Variants in ZNF641 observed in about 807,000 individuals in gnomAD.
ZNF641 encodes the protein zinc finger protein 641.
In ZNF641, 26 loss-of-function variants were observed where a neutral mutation model predicts 46.2. The ratio of observed to expected loss-of-function variants is 0.56; its 90% CI spans 0.41 to 0.78. The LOEUF (loss-of-function observed/expected upper bound fraction) is 0.78, where lower values mean the gene tolerates loss of function less well. Among genes scored for constraint, ZNF641 ranks in the 30% least tolerant of loss-of-function variants. The probability of loss-of-function intolerance (pLI) is 0.00; values close to 1 mark genes in which losing one functional copy is unlikely to be tolerated. For missense variants in ZNF641, 469 were observed against 517.8 expected (o/e 0.91, Z 0.91); for synonymous variants, 163 against 187.9 (o/e 0.87, Z 1.09).
At position 48,343,076 on chromosome 12, in the gene ZNF641, C is replaced by A; in HGVS notation, c.1172G>T (p.Cys391Phe). The change falls in exon 6 of 6, where the codon TGT becomes TTT. Residue 391 changes from cysteine to phenylalanine, a missense_variant. Physicochemically the swap from Cys to Phe is radical, Grantham distance 205. Coordinates refer to ENST00000547026, the MANE Select transcript of ZNF641 (RefSeq NM_001172681.2). ...TGEKPFQCPR[C>F]EKSFGRKHHL... The stretch of plus-strand genomic sequence containing the variant: ...ATGTTTTCGGCCAAAGCTCTTCTCA[C>A]AGCGAGGGCACTGGAAGGGCTTCTC... 1.2e-6 allele frequency: 2 copies of A among 1,614,248 alleles called. No individual in the cohort carries two copies. Among genetic ancestry groups the A allele is most frequent in the Non-Finnish European group, 1.7e-6 (2 of 1,180,038 alleles).
At chr12:48,345,178 C>A (rs896236201) in intron 4 of ZNF641, among the ~76,000 whole-genome samples, 167 bp downstream of exon 4, 2 of 151,310 alleles carry the variant, frequency 1.3e-5, no homozygotes, top group Non-Finnish European at 2.9e-5. Flanking sequence ...ATGATATTTA[C>A]TCTCATTCTC....
chr12:48,343,018 T>A lies in ZNF641; in HGVS notation c.1230A>T (p.Gly410=), dbSNP rs772396477. The stretch of plus-strand genomic sequence containing the variant: ...TGTCCCAGCTGTTCCGGGGACTTTG[T>A]CCCTGGTGGGTGAGCAGGTGCCTGT... ...HLDRHLLTHQ[G]QSPRNSWDRG... The change falls in exon 6 of 6, where the codon GGA becomes GGT. Residue 410 remains glycine, a synonymous_variant. Coordinates refer to ENST00000547026, the MANE Select transcript of ZNF641 (RefSeq NM_001172681.2). 35 of 1,614,056 alleles carry A rather than the reference T, an allele frequency of 2.2e-5. No homozygotes were observed. Among genetic ancestry groups the A allele is most frequent in the Middle Eastern group, 3.3e-4 (2 of 6,084 alleles).
chr12:48,349,925 G>A, intron 1 of ZNF641: 2 of 1,186,410 alleles, frequency 1.7e-6, no homozygotes, highest in Non-Finnish European at 2.5e-6. Context: ...AGGTAGCAGA[G>A]TCTCTTAATG....
In ZNF641 at chr12:48,343,216, G is replaced by A; in HGVS notation, c.1032C>T (p.Gly344=). The change falls in exon 6 of 6, where the codon GGC becomes GGT. Residue 344 remains glycine (G), a synonymous_variant. Transcript: ENST00000547026. ...CKGQEVGESP[G]TRKRQRAPPV... ...GTGGGGCACGCTGCCGTTTCCTTGT[G>A]CCAGGGCTCTCTCCAACCTCTTGGC... is the stretch of plus-strand genomic sequence containing the variant. The A allele has an allele frequency of 6.2e-7, 1 of 1,614,226 alleles. No homozygotes were observed. Among genetic ancestry groups the A allele is most frequent in the South Asian group, 1.1e-5 (1 of 91,088 alleles).
chr12:48,340,521 AC>A lies in ZNF641; in HGVS notation c.*2451del, dbSNP rs3215010. 301,777 of 985,102 alleles carry A rather than the reference AC, an allele frequency of 0.31. 47,069 individuals are homozygous for A. Among genetic ancestry groups the A allele is most frequent in the Non-Finnish European group, 0.31 (261,221 of 829,822 alleles). 61.0% of individuals were successfully genotyped at this position (985,102 alleles called of 1,614,324 possible). ...ATTAAAGACCAGACTCCATCCTTAT[AC>A]CACTGATGCCTCTGGTACCTTAATC... is the stretch of plus-strand genomic sequence containing the variant. On this transcript the variant is annotated 3_prime_UTR_variant, in exon 6 of 6. Transcript: ENST00000547026.
intron 2 of ZNF641, 37 bp downstream of exon 2, chr12:48,347,870 A>G (rs1254988862): frequency 1.3e-6 from 2 of 1,592,062 alleles, no homozygotes; most frequent in South Asian, 2.2e-5. Flanking sequence ...TTAGGAGACT[A>G]TGCACTGTGC....
At position 48,340,387 on chromosome 12, in the gene ZNF641, A is replaced by G; in HGVS notation, c.*2586T>C. 1 of 985,464 alleles carries G rather than the reference A, an allele frequency of 1.0e-6. No individual in the cohort carries two copies. The highest frequency in any genetic ancestry group is 1.2e-6 in the Non-Finnish European group (1 of 829,940). 61.0% of individuals were successfully genotyped at this position (985,464 alleles called of 1,614,324 possible). A position where few individuals can be genotyped will look rare whatever the true frequency, so the allele number is the denominator to read the frequency against. ...GGGGCGTGATCTAATAGTAAGGAAT[A>G]TCACTTCCCACAAGTCCTTCAAACA... On this transcript the variant is annotated 3_prime_UTR_variant, in exon 6 of 6. Transcript: ENST00000547026.
Position 48,344,336 on chromosome 12 carries a change from A to T in ZNF641, c.520+263T>A, listed in dbSNP as rs1346913788. The T allele has an allele frequency of 1.1e-5, 3 of 269,828 alleles. No individual in the cohort carries two copies. The Admixed American group carries it at 1.4e-4, about 13-fold the overall frequency. The allele number at this position is 269,828 out of a possible 1,614,324, so 16.7% of individuals were successfully genotyped here. On this transcript the variant is annotated intron_variant, in intron 5 of 5. Transcript: ENST00000547026. ...TTCTAATATTCTAATATATTCATAT[A>T]TTTAATTTTCACAATAATTTACAGA...
At position 48,341,841 on chromosome 12, in the gene ZNF641, T is replaced by C. The variant is rs1952724506; in HGVS notation, c.*1132A>G. The C allele has an allele frequency of 1.0e-6, 1 of 985,474 alleles. No individual in the cohort carries two copies. Among genetic ancestry groups the C allele is most frequent in the Non-Finnish European group, 1.2e-6 (1 of 829,940 alleles). The allele number at this position is 985,474 out of a possible 1,614,324, so 61.0% of individuals were successfully genotyped here. On this transcript the variant is annotated 3_prime_UTR_variant, in exon 6 of 6. Transcript: ENST00000547026. ...TAGACATACACATCCACAATTGTCT[T>C]AATCTCAGCAGTACTGGGAAAGCTT...
chr12:48,341,417 T>TAAG lies in ZNF641; in HGVS notation c.*1555_*1556insCTT, dbSNP rs960882658. 3 of 985,458 alleles carry TAAG rather than the reference T, an allele frequency of 3.0e-6. No homozygotes were observed. The highest frequency in any genetic ancestry group is 3.6e-6 in the Non-Finnish European group (3 of 829,930). The allele number at this position is 985,458 out of a possible 1,614,324, so 61.0% of individuals were successfully genotyped here. On this transcript the variant is annotated 3_prime_UTR_variant, in exon 6 of 6. Transcript: ENST00000547026. ...GAGAAACAATGACCAACTCATTAGC[T>TAAG]AACGATGCTAGAATACTTATGCAAG...
chr12:48,348,018 G>C lies in ZNF641; in HGVS notation c.73C>G (p.Pro25Ala), dbSNP rs757505156. ...TCCTGGCTTCCCCTTTCCACCTGGG[G>C]CTCTGCTCCATCCAGCTGTACATTC... Reference protein sequence around the residue: ...SMNVQLDGAEPQVERGSQEER... With the variant: ...SMNVQLDGAEAQVERGSQEER... Residue 25 changes from proline to alanine, a missense_variant, in exon 2 of 6, where the codon CCC becomes GCC. By Grantham distance (27) the Pro-to-Ala change is conservative (BLOSUM62 -1). Around this residue, in one of 3 missense-constraint regions of ZNF641, gnomAD observed 98 missense variants for 105.7 expected, o/e 0.93. Coordinates refer to ENST00000547026, the MANE Select transcript of ZNF641 (RefSeq NM_001172681.2). The C allele has an allele frequency of 3.1e-6, 5 of 1,614,088 alleles. No homozygotes were observed. In the African/African-American group the frequency reaches 6.7e-5, roughly 22 times the overall value.
intron 4 of ZNF641, 31 bp from the exon 5 acceptor site, chr12:48,344,743 A>C (rs1952819137): frequency 7.6e-7 from 1 of 1,317,346 alleles, no homozygotes; most frequent in Non-Finnish European, 1.1e-6. Flanking sequence ...TAGAGCTGTC[A>C]ATTAGTTCAA....
chr12:48,343,088 TG>T lies in ZNF641; in HGVS notation c.1159del (p.Gln387SerfsTer75). 6.2e-7 allele frequency: 1 copy of T among 1,614,260 alleles called. No individual in the cohort carries two copies. Among genetic ancestry groups the T allele is most frequent in the South Asian group, 1.1e-5 (1 of 91,086 alleles). On this transcript the variant is annotated frameshift_variant, in exon 6 of 6. Transcript: ENST00000547026. LOFTEE classifies it high-confidence loss of function. ...WLTHTGEKPFQCPRCEKSFGR... is the reference protein window; with the variant it reads ...WLTHTGEKPFXCPRCEKSFGR... Reference sequence around the variant, plus strand: ...AAAGCTCTTCTCACAGCGAGGGCACTGGAAGGGCTTCTCCCCAGTGTGGGTC... The same window carrying T: ...AAAGCTCTTCTCACAGCGAGGGCACTGAAGGGCTTCTCCCCAGTGTGGGTC...
chr12:48,348,081 C>T lies in ZNF641; in HGVS notation c.10G>A (p.Glu4Lys). 6.2e-7 allele frequency: 1 copy of T among 1,614,212 alleles called. No individual in the cohort carries two copies. The highest frequency in any genetic ancestry group is 8.5e-7 in the Non-Finnish European group (1 of 1,180,046). The change falls in exon 2 of 6, where the codon GAA (glutamate) becomes AAA (lysine). Residue 4 changes from glutamate to lysine, a missense_variant. Transcript: ENST00000547026. The stretch of plus-strand genomic sequence containing the variant: ...CCTGTCCCCAGCGCTGCTGTCTGTT[C>T]TGAAAGCATTTCTGCTGCAGACCCA... MLSEQTAALGTGWE... is the reference protein window; with the variant it reads MLSKQTAALGTGWE...
At position 48,347,423 on chromosome 12, in the gene ZNF641, C is replaced by G. The variant is rs1476761133; in HGVS notation, c.185-80G>C. The G allele has an allele frequency of 4.6e-6, 6 of 1,294,512 alleles. No individual in the cohort carries two copies. The East Asian group carries it at 1.5e-4, about 32-fold the overall frequency. 80.2% of individuals were successfully genotyped at this position (1,294,512 alleles called of 1,614,324 possible). Reference sequence around the variant, plus strand: ...GGGCCTGGGCCCCATTTTAGAGAGGCTTAAGGGTCACAACTTCTGTATCTA... The same window carrying G: ...GGGCCTGGGCCCCATTTTAGAGAGGGTTAAGGGTCACAACTTCTGTATCTA... On this transcript the variant is annotated intron_variant, in intron 2 of 5. Transcript: ENST00000547026.
In ZNF641 at chr12:48,344,463, C is replaced by T. The variant is rs374105310; in HGVS notation, c.520+136G>A. Reference sequence around the variant, plus strand: ...CTGCTACATCATTCTATTACACTCCCTTGCTTTTGAAGAAAAAAATCTCTA... The same window carrying T: ...CTGCTACATCATTCTATTACACTCCTTTGCTTTTGAAGAAAAAAATCTCTA... On this transcript the variant is annotated intron_variant, in intron 5 of 5. Transcript: ENST00000547026. The T allele has an allele frequency of 1.2e-4, 70 of 563,582 alleles. No homozygotes were observed. In the East Asian group the frequency reaches 1.6e-3, roughly 13 times the overall value. The allele number at this position is 563,582 out of a possible 1,614,324, so 34.9% of individuals were successfully genotyped here.
chr12:48,343,732 G>A lies in ZNF641; in HGVS notation c.521-5C>T, dbSNP rs775350859. 2.1e-5 allele frequency: 31 copies of A among 1,462,948 alleles called. No homozygotes were observed. Among genetic ancestry groups the A allele is most frequent in the South Asian group, 1.9e-4 (13 of 69,260 alleles). The allele number at this position is 1,462,948 out of a possible 1,614,324, so 90.6% of individuals were successfully genotyped here. On this transcript the variant is annotated splice_region_variant and splice_polypyrimidine_tract_variant and intron_variant, in intron 5 of 5. Transcript: ENST00000547026. Reference sequence around the variant, plus strand: ...CCTCATGTTCACTTCCATCTCCTGCGGAGAAGGGGAAATACCAACCCCAAG... The same window carrying A: ...CCTCATGTTCACTTCCATCTCCTGCAGAGAAGGGGAAATACCAACCCCAAG...
chr12:48,346,657 G>GAAGGT (rs1389247792), intron 3 of ZNF641, among the ~76,000 whole-genome samples: 1 of 151,988 alleles, frequency 6.6e-6, no homozygotes, highest in East Asian at 1.9e-4. Context: ...TTTCTTAAAG[G>GAAGGT]AAGGTAATTA....
At position 48,350,788 on chromosome 12, in the gene ZNF641, C is replaced by T. The variant is rs1285231059; in HGVS notation, c.-28G>A. ...CCCTCCGGCCCGGCTCCACTCACCCCCGGTAGGCTTGGCCCGCGGCCCGGT... is the reference window on the plus strand; with the variant it reads ...CCCTCCGGCCCGGCTCCACTCACCCTCGGTAGGCTTGGCCCGCGGCCCGGT... On this transcript the variant is annotated splice_region_variant and 5_prime_UTR_variant, in exon 1 of 6. Coordinates refer to ENST00000547026, the MANE Select transcript of ZNF641 (RefSeq NM_001172681.2). The T allele has an allele frequency of 1.0e-6, 1 of 981,946 alleles. No homozygotes were observed. The highest frequency in any genetic ancestry group is 1.2e-6 in the Non-Finnish European group (1 of 826,710). 60.8% of individuals were successfully genotyped at this position (981,946 alleles called of 1,614,324 possible).
Sources: gnomAD v4.1 joint callset for allele counts (sites outside exome capture counted in the v4.1 genomes callset) on GRCh38, gnomAD v4.1.1 for gene constraint, gnomAD v4.1.1 regional missense constraint, MANE v1.5 for transcripts, NCBI Gene and HGNC (gene_info 2026-07-23, HGNC 2026-07-21) for gene names.